ZNF469: variants seen among roughly 807,000 people sequenced by gnomAD.
ZNF469 encodes the protein zinc finger protein 469.
Under a neutral mutation model 1.0 loss-of-function variants are expected in ZNF469, and 1 was observed. That is an observed-to-expected ratio of 1.00 (90% CI 0.35 to 4.73). The LOEUF is 4.73. Among genes scored for constraint, ZNF469 ranks in the 30% most tolerant of loss-of-function variants. The pLI is 0.16. For synonymous variants in ZNF469, 2,703 were observed against 2,363.4 expected (o/e 1.14, Z -4.17); for missense variants, 6,100 against 5,356.3 (o/e 1.14, Z -4.33).
At chr16:88,305,487 G>C in the ZNF469 span, among the ~76,000 whole-genome samples, 4 of 61,182 alleles carry the variant, frequency 6.5e-5, no homozygotes, top group Non-Finnish European at 9.8e-5. Context: ...TGCACACATG[G>C]TCACAGGCAC....
chr16:88,258,661 G>A, the ZNF469 span, among the ~76,000 whole-genome samples: 5 of 112,628 alleles, frequency 4.4e-5, no homozygotes, highest in East Asian at 6.7e-4. Context: ...AGATTTGAGC[G>A]TTTGGGTGAG....
chr16:88,214,473 T>TTA, the ZNF469 span, among the ~76,000 whole-genome samples: 259 of 52,192 alleles, frequency 5.0e-3, 1 homozygote, highest in Middle Eastern at 0.032. Flanking sequence ...TTCTTTTGAG[T>TTA]TTTTTTTTTA....
the ZNF469 span, among the ~76,000 whole-genome samples, chr16:88,196,794 G>C: frequency 8.5e-5 from 13 of 152,248 alleles, 1 homozygote; most frequent in Non-Finnish European, 1.8e-4. Flanking sequence ...AGGCCACACA[G>C]AGCAGGAGCC....
At chr16:88,241,088 G>C in the ZNF469 span, among the ~76,000 whole-genome samples, 1 of 152,170 alleles carries the variant, frequency 6.6e-6, no homozygotes, top group Non-Finnish European at 1.5e-5. The surrounding 1 kb of genome is among the most constrained non-coding windows in gnomAD (Gnocchi z 4.8). Context: ...CTATTGTTAG[G>C]CCGGGCGCAG....
chr16:88,157,872 C>T, the ZNF469 span, among the ~76,000 whole-genome samples: 2 of 151,928 alleles, frequency 1.3e-5, no homozygotes, highest in African/African-American at 4.8e-5. Context: ...GGTGAGGATG[C>T]CTGGGTCTCT....
chr16:88,379,981 C>T (rs1041110010), upstream of ZNF469, among the ~76,000 whole-genome samples: 7 of 152,276 alleles, frequency 4.6e-5, no homozygotes, highest in East Asian at 1.9e-4. Context: ...TCATTTCTCA[C>T]GCCCAGGCGG....
At chr16:88,295,912 G>A in the ZNF469 span, among the ~76,000 whole-genome samples, 2 of 152,208 alleles carry the variant, frequency 1.3e-5, no homozygotes, top group East Asian at 3.8e-4. Flanking sequence ...CCAGAAATAT[G>A]GAAGGCAGCT....
At chr16:88,369,544 G>A in the ZNF469 span, among the ~76,000 whole-genome samples, 1 of 152,218 alleles carries the variant, frequency 6.6e-6, no homozygotes, top group Non-Finnish European at 1.5e-5. Flanking sequence ...CCATTGCTAT[G>A]TGACCCTGCG....
chr16:88,408,133 C>A (rs1193362248), intron 1 of ZNF469, among the ~76,000 whole-genome samples: 1 of 152,202 alleles, frequency 6.6e-6, no homozygotes, highest in Non-Finnish European at 1.5e-5. Context: ...CCCTAAGCCC[C>A]CTTAGTACTT....
the ZNF469 span, among the ~76,000 whole-genome samples, chr16:88,337,603 A>G: frequency 3.9e-5 from 6 of 152,196 alleles, no homozygotes; most frequent in Non-Finnish European, 5.9e-5. Context: ...AGGAAGTGCC[A>G]GGCTGCTCCT....
chr16:88,161,247 G>A, the ZNF469 span, among the ~76,000 whole-genome samples: 2 of 152,082 alleles, frequency 1.3e-5, no homozygotes, highest in African/African-American at 2.4e-5. Context: ...ACCAATTCTG[G>A]TGGAGCATAA....
chr16:88,308,739 G>A, the ZNF469 span, among the ~76,000 whole-genome samples: 1 of 152,162 alleles, frequency 6.6e-6, no homozygotes, highest in African/African-American at 2.4e-5. Flanking sequence ...AAGATTCTCA[G>A]GAGACCCCCA....
At chr16:88,331,394 A>T in the ZNF469 span, among the ~76,000 whole-genome samples, 45 of 149,772 alleles carry the variant, frequency 3.0e-4, no homozygotes, top group African/African-American at 1.1e-3. Flanking sequence ...CATCACCATC[A>T]CTACCATCGT....
At chr16:88,256,923 T>C in the ZNF469 span, among the ~76,000 whole-genome samples, 1 of 3,380 alleles carries the variant, frequency 3.0e-4, no homozygotes, top group Non-Finnish European at 1.4e-3. Flanking sequence ...TCTTTCTTTC[T>C]TTCTTTCTTT....
Position 88,433,088 on chromosome 16 carries a change from C to G in ZNF469, c.5618C>G (p.Ala1873Gly), listed in dbSNP as rs767834641. 1.2e-5 allele frequency: 18 copies of G among 1,550,280 alleles called. No individual in the cohort carries two copies. The highest frequency in any genetic ancestry group is 1.6e-5 in the Non-Finnish European group (18 of 1,146,940). The change falls in exon 3 of 3, where the codon GCT becomes GGT. Residue 1873 changes from alanine to glycine, a missense_variant. Coordinates refer to ENST00000565624, the MANE Select transcript of ZNF469 (RefSeq NM_001367624.2). Reference protein sequence around the residue: ...SSLTAPRGREAWLVPVPSPAC... With the variant: ...SSLTAPRGREGWLVPVPSPAC... Reference sequence around the variant, plus strand: ...CTGACTGCCCCCCGGGGCAGGGAGGCTTGGTTGGTCCCTGTGCCAAGTCCC... The same window carrying G: ...CTGACTGCCCCCCGGGGCAGGGAGGGTTGGTTGGTCCCTGTGCCAAGTCCC...
At chr16:88,210,679 G>T in the ZNF469 span, among the ~76,000 whole-genome samples, 1 of 152,190 alleles carries the variant, frequency 6.6e-6, no homozygotes, top group Admixed American at 6.5e-5. Context: ...TTGTTAAAAA[G>T]ATCATCTTTG....
At chr16:88,411,530 A>C (rs368368069) in intron 1 of ZNF469, among the ~76,000 whole-genome samples, 9 of 97,414 alleles carry the variant, frequency 9.2e-5, no homozygotes, top group African/African-American at 3.1e-4. Flanking sequence ...GCGAGCGGGC[A>C]GGGGTGGGTG....
the ZNF469 span, among the ~76,000 whole-genome samples, chr16:88,327,867 C>A: frequency 6.6e-6 from 1 of 152,360 alleles, no homozygotes; most frequent in Admixed American, 6.5e-5. Context: ...GGGGCCCACA[C>A]ACCCACCGGA....
the ZNF469 span, among the ~76,000 whole-genome samples, chr16:88,127,671 A>G: frequency 0.82 from 124,312 of 152,140 alleles, 51,460 homozygotes; most frequent in Middle Eastern, 0.91. Flanking sequence ...GCCCTGTCTC[A>G]CCTCTACCTT....
Sources: allele counts gnomAD v4.1 joint callset (sites outside exome capture counted in the v4.1 genomes callset), GRCh38; gene constraint gnomAD v4.1.1; non-coding constraint Gnocchi (gnomAD v3.1); transcripts MANE v1.5; gene names NCBI Gene and HGNC (gene_info 2026-07-23, HGNC 2026-07-21).